The following MIPEP variants were observed in gnomAD, a reference collection of about 807,000 sequenced individuals.
The protein encoded by MIPEP is mitochondrial intermediate peptidase.
MIPEP carries 79 observed loss-of-function variants against 90.3 expected under a neutral mutation model. The ratio of observed to expected loss-of-function variants is 0.87; its 90% CI spans 0.73 to 1.05. The LOEUF (loss-of-function observed/expected upper bound fraction) is 1.05, where lower values mean the gene tolerates loss of function less well. Among genes scored for constraint, MIPEP ranks in the 50% least tolerant of loss-of-function variants. The probability of loss-of-function intolerance (pLI) is 0.00; values close to 1 mark genes in which losing one functional copy is unlikely to be tolerated. For synonymous variants in MIPEP, 334 were observed against 315.8 expected, an observed-to-expected ratio of 1.06 and a Z score of -0.61; for missense variants, 940 against 905.6, an observed-to-expected ratio of 1.04 and a Z score of -0.49.
chr13:23,869,314 T>C lies in MIPEP; in HGVS notation c.921A>G (p.Gln307=). The change falls in exon 7 of 19, where the codon CAA becomes CAG. Residue 307 remains glutamine, a synonymous_variant. Transcript: ENST00000382172. ...TACCTGGATTTTTAGCTATCGTTCC[T>C]TGGAGAGCCCTGTGAGAAAACGTGG... ...GYSTFSHRAL[Q]GTIAKNPETV... 6.2e-7 allele frequency: 1 copy of C among 1,607,116 alleles called. No homozygotes were observed. The highest frequency in any genetic ancestry group is 8.5e-7 in the Non-Finnish European group (1 of 1,178,096).
intron 16 of MIPEP, among the ~76,000 whole-genome samples, chr13:23,776,897 T>C (rs1481242055): frequency 6.6e-6 from 1 of 152,164 alleles, no homozygotes; most frequent in Non-Finnish European, 1.5e-5. Context: ...TGTGGTACTT[T>C]TGTTTCAGTT....
chr13:23,885,558 C>A (rs1309609699), intron 2 of MIPEP, among the ~76,000 whole-genome samples: 1 of 151,276 alleles, frequency 6.6e-6, no homozygotes, highest in Non-Finnish European at 1.5e-5. Context: ...TCATGTACCT[C>A]ATGAATATAT....
chr13:23,760,019 A>G (rs1244957813), intron 17 of MIPEP, 77 bp downstream of exon 17: 1 of 1,587,704 alleles, frequency 6.3e-7, no homozygotes, highest in Non-Finnish European at 8.6e-7. Context: ...GCAGTTCTCG[A>G]GCCCGACTTC....
At position 23,889,331 on chromosome 13, in the gene MIPEP, G is replaced by A. The variant is rs1412352115; in HGVS notation, c.-11C>T. ...TCCGACGCACAGCATTCTAGCACCA[G>A]AGCAGTCCCTTCCTCCAACGCAGAT... On this transcript the variant is annotated 5_prime_UTR_variant, in exon 1 of 19. Transcript: ENST00000382172. 4.5e-6 allele frequency: 6 copies of A among 1,319,298 alleles called. No homozygotes were observed. Among genetic ancestry groups the A allele is most frequent in the Non-Finnish European group, 5.8e-6 (6 of 1,033,314 alleles). The allele number at this position is 1,319,298 out of a possible 1,614,324, so 81.7% of individuals were successfully genotyped here. A position where few individuals can be genotyped will look rare whatever the true frequency, so the allele number is the denominator to read the frequency against.
chr13:23,848,863 G>A lies in MIPEP; in HGVS notation c.1107-7375C>T, dbSNP rs566530713. Among the ~76,000 whole-genome samples, 28 of 152,282 alleles carry A rather than the reference G, an allele frequency of 1.8e-4. No individual in the cohort carries two copies. The South Asian group carries it at 5.0e-3, about 27-fold the overall frequency. ...ACCAAATGCAGGCTACTTCCTTCCT[G>A]AAGAAAAGCCAGAAGGAGAGAGGTC... On this transcript the variant is annotated intron_variant, in intron 10 of 18. Coordinates refer to ENST00000382172, the MANE Select transcript of MIPEP (RefSeq NM_005932.4).
At chr13:23,810,468 C>CT (rs1380192500) in intron 14 of MIPEP, among the ~76,000 whole-genome samples, 3 of 152,148 alleles carry the variant, frequency 2.0e-5, no homozygotes, top group African/African-American at 7.2e-5. Flanking sequence ...TTTAATGTCC[C>CT]TATGTGATTT....
intron 16 of MIPEP, among the ~76,000 whole-genome samples, chr13:23,785,047 C>T (rs374142506): frequency 2.0e-5 from 3 of 152,222 alleles, no homozygotes; most frequent in South Asian, 2.1e-4. Flanking sequence ...GGTGGGACTG[C>T]AAACTAGTTC....
At chr13:23,773,302 T>G (rs1453505560) in intron 16 of MIPEP, among the ~76,000 whole-genome samples, 1 of 152,220 alleles carries the variant, frequency 6.6e-6, no homozygotes, top group East Asian at 1.9e-4. Flanking sequence ...TAGCAATACT[T>G]CATTTCTTTT....
At chr13:23,767,193 C>T (rs1170710338) in intron 16 of MIPEP, among the ~76,000 whole-genome samples, 1 of 152,222 alleles carries the variant, frequency 6.6e-6, no homozygotes, top group Admixed American at 6.5e-5. Flanking sequence ...TGCCTGCAGC[C>T]TTGTGTGACC....
chr13:23,736,635 C>T (rs1362098360), intron 18 of MIPEP, among the ~76,000 whole-genome samples: 1 of 152,184 alleles, frequency 6.6e-6, no homozygotes, highest in Non-Finnish European at 1.5e-5. Flanking sequence ...TCCTCTTCTT[C>T]CGAGTGACTG....
intron 2 of MIPEP, among the ~76,000 whole-genome samples, chr13:23,883,867 T>G (rs1320526654): frequency 6.6e-6 from 1 of 152,112 alleles, no homozygotes; most frequent in South Asian, 2.1e-4. Context: ...CAAAGACACA[T>G]TTCCTATGCA....
intron 16 of MIPEP, among the ~76,000 whole-genome samples, chr13:23,765,724 G>T (rs1460092146): frequency 6.6e-6 from 1 of 152,212 alleles, no homozygotes; most frequent in Non-Finnish European, 1.5e-5. Flanking sequence ...TGAATGGATG[G>T]ACAGATGGAC....
intron 5 of MIPEP, among the ~76,000 whole-genome samples, chr13:23,874,334 T>C (rs1870963229): frequency 6.6e-6 from 1 of 152,186 alleles, no homozygotes; most frequent in African/African-American, 2.4e-5. Context: ...ATTTGTTAGT[T>C]AGGATGGCAA....
At chr13:23,856,876 G>A (rs954393513) in intron 10 of MIPEP, among the ~76,000 whole-genome samples, 9 of 151,866 alleles carry the variant, frequency 5.9e-5, no homozygotes, top group Non-Finnish European at 1.2e-4. Context: ...ATCAGGTATC[G>A]GGGACATGAT....
chr13:23,882,661 T>TTTTC (rs61556384), intron 2 of MIPEP, among the ~76,000 whole-genome samples: 58,132 of 151,678 alleles, frequency 0.38, 11,203 homozygotes, highest in East Asian at 0.45. Context: ...ACACTACATA[T>TTTTC]TTTATTTGCC....
chr13:23,777,891 A>G (rs1237227029), intron 16 of MIPEP, among the ~76,000 whole-genome samples: 1 of 152,222 alleles, frequency 6.6e-6, no homozygotes, highest in Non-Finnish European at 1.5e-5. Context: ...GTTCATTTAA[A>G]TTCAATCAGG....
At chr13:23,875,568 C>A (rs1188441331) in intron 4 of MIPEP, among the ~76,000 whole-genome samples, 4 of 149,586 alleles carry the variant, frequency 2.7e-5, no homozygotes, top group Middle Eastern at 3.4e-3. Context: ...TTAAAAAAAA[C>A]CAACAACATT....
At chr13:23,763,212 C>T (rs999617616) in intron 16 of MIPEP, among the ~76,000 whole-genome samples, 1 of 152,184 alleles carries the variant, frequency 6.6e-6, no homozygotes, top group Non-Finnish European at 1.5e-5. Context: ...GAATCCTAAT[C>T]TACTAAATGA....
chr13:23,854,132 T>C (rs61945109), intron 10 of MIPEP, among the ~76,000 whole-genome samples: 21,752 of 149,786 alleles, frequency 0.15, 1,886 homozygotes, highest in East Asian at 0.28. Context: ...GAGATCATCC[T>C]GGCTAACACG....
Sources: gnomAD v4.1 joint callset for allele counts (sites outside exome capture counted in the v4.1 genomes callset) on GRCh38, gnomAD v4.1.1 for gene constraint, MANE v1.5 for transcripts, NCBI Gene and HGNC (gene_info 2026-07-23, HGNC 2026-07-21) for gene names.